Variants in LRRIQ3 observed in about 807,000 individuals in gnomAD.
LRRIQ3 encodes the protein leucine rich repeats and IQ motif containing 3, also known as leucine-rich repeat and IQ domain-containing protein 3.
Under a neutral mutation model 59.3 loss-of-function variants are expected in LRRIQ3, and 75 were observed. That is an observed-to-expected ratio of 1.26 (90% CI 1.05 to 1.53). The LOEUF is 1.53. Among genes scored for constraint, LRRIQ3 ranks in the 40% most tolerant of loss-of-function variants. The pLI, the probability that LRRIQ3 is intolerant of heterozygous loss-of-function variation, is 0.00. For synonymous variants in LRRIQ3, 250 were observed against 231.3 expected (o/e 1.08, Z -0.73); for missense variants, 831 against 710.0 (o/e 1.17, Z -1.94).
chr1:74,152,046 T>C lies in LRRIQ3; in HGVS notation c.707+3687A>G, dbSNP rs1459299587. ...AGCATAACAATATCATTGTAGACAA[T>C]GGAAGCAGGCCAGAAAGTGAACCTT... On this transcript the variant is annotated intron_variant, in intron 4 of 7. Transcript: ENST00000354431. Among the ~76,000 whole-genome samples, 4 of 151,938 alleles carry C rather than the reference T, an allele frequency of 2.6e-5. No individual in the cohort carries two copies. The East Asian group carries it at 7.7e-4, about 29-fold the overall frequency.
intron 5 of LRRIQ3, among the ~76,000 whole-genome samples, chr1:74,079,094 C>A (rs964871100): frequency 2.6e-5 from 4 of 151,762 alleles, no homozygotes; most frequent in Non-Finnish European, 5.9e-5. Flanking sequence ...TTATTGGACT[C>A]TGCCTTCACC....
intron 3 of LRRIQ3, among the ~76,000 whole-genome samples, chr1:74,168,565 T>C (rs984934980): frequency 3.3e-5 from 5 of 152,126 alleles, no homozygotes; most frequent in African/African-American, 1.2e-4. Flanking sequence ...CTGGCATATT[T>C]AGACCATTTA....
At chr1:74,060,470 A>T (rs1006685856) in intron 6 of LRRIQ3, among the ~76,000 whole-genome samples, 2 of 151,964 alleles carry the variant, frequency 1.3e-5, no homozygotes, top group Admixed American at 1.3e-4. Context: ...TTTTTAATAC[A>T]GGTGCTTACA....
chr1:74,196,536 C>G (rs772750111), intron 1 of LRRIQ3, among the ~76,000 whole-genome samples: 1 of 152,108 alleles, frequency 6.6e-6, no homozygotes, highest in Non-Finnish European at 1.5e-5. Context: ...ATTACATATT[C>G]ACTGCATACA....
intron 1 of LRRIQ3, among the ~76,000 whole-genome samples, chr1:74,195,285 C>G (rs980782835): frequency 5.3e-5 from 8 of 152,144 alleles, no homozygotes; most frequent in African/African-American, 1.9e-4. Flanking sequence ...GGACTGGAAA[C>G]AAGTACAGCC....
At chr1:74,165,759 A>G (rs375584688) in intron 3 of LRRIQ3, among the ~76,000 whole-genome samples, 1 of 151,530 alleles carries the variant, frequency 6.6e-6, no homozygotes, top group East Asian at 1.9e-4. Context: ...CCTTCTAAAC[A>G]TATTTTTCTG....
chr1:74,058,642 T>C (rs1489641458), intron 6 of LRRIQ3, among the ~76,000 whole-genome samples: 1 of 152,052 alleles, frequency 6.6e-6, no homozygotes, highest in African/African-American at 2.4e-5. Flanking sequence ...TAAGTTCTAG[T>C]GTTTTGTAGC....
At chr1:74,185,349 A>G (rs1650289915) in intron 1 of LRRIQ3, among the ~76,000 whole-genome samples, 1 of 152,190 alleles carries the variant, frequency 6.6e-6, no homozygotes, top group African/African-American at 2.4e-5. Flanking sequence ...TAATAGGTGA[A>G]TAATGGTATC....
chr1:74,095,427 C>G (rs555506031), intron 5 of LRRIQ3, among the ~76,000 whole-genome samples: 1 of 151,880 alleles, frequency 6.6e-6, no homozygotes, highest in African/African-American at 2.4e-5. Context: ...AATTTTTACT[C>G]GTGTCTCTAC....
chr1:74,026,857 T>C lies in LRRIQ3; in HGVS notation c.1831A>G (p.Lys611Glu). ...GGAACTTTAAAGTCTAAATTTGTTT[T>C]CACAATTGCTACTTTTGTTTTAGCA... ...QDAKTKVAIV[K>E]TNLDFKVPNG... Residue 611 changes from lysine (K) to glutamate (E), a missense_variant, in exon 8 of 8, where the codon AAA becomes GAA. Lys to Glu is a moderately conservative substitution (Grantham distance 56). Transcript: ENST00000354431. The C allele has an allele frequency of 6.2e-7, 1 of 1,609,148 alleles. No individual in the cohort carries two copies. Among genetic ancestry groups the C allele is most frequent in the Non-Finnish European group, 8.5e-7 (1 of 1,177,770 alleles).
At chr1:74,197,800 G>A (rs1245922896) in intron 1 of LRRIQ3, among the ~76,000 whole-genome samples, 196 bp downstream of exon 1, 1 of 152,180 alleles carries the variant, frequency 6.6e-6, no homozygotes, top group Non-Finnish European at 1.5e-5. Context: ...GGGGCAGATG[G>A]CCCGGGGTGG....
At chr1:74,093,697 C>A (rs1191829433) in intron 5 of LRRIQ3, among the ~76,000 whole-genome samples, 1 of 151,994 alleles carries the variant, frequency 6.6e-6, no homozygotes, top group African/African-American at 2.4e-5. Context: ...TTCTGTTATC[C>A]AGGATACTTC....
intron 6 of LRRIQ3, among the ~76,000 whole-genome samples, chr1:74,059,772 T>C (rs1557597413): frequency 6.6e-6 from 1 of 152,140 alleles, no homozygotes; most frequent in African/African-American, 2.4e-5. Flanking sequence ...CTTGTATCTC[T>C]ATATTGCTTT....
chr1:74,106,852 T>C (rs574493060), intron 5 of LRRIQ3, among the ~76,000 whole-genome samples: 2 of 152,112 alleles, frequency 1.3e-5, no homozygotes, highest in Admixed American at 6.6e-5. Context: ...CACAGTTCTG[T>C]ATTTATGCCA....
chr1:74,041,574 C>G lies in LRRIQ3; in HGVS notation c.1357G>C (p.Val453Leu). The G allele has an allele frequency of 2.5e-6, 4 of 1,613,660 alleles. No individual in the cohort carries two copies. The highest frequency in any genetic ancestry group is 3.4e-6 in the Non-Finnish European group (4 of 1,179,862). ...AAATGTTCATTAACAGCTACTCTAA[C>G]TCTTTCTCGAGCAACTTGTGCCATG... The part of the protein sequence containing the change: ...VAMAQVARER[V>L]RVAVNEHLNQ... The change falls in exon 7 of 8, where the codon GTT becomes CTT. Residue 453 changes from valine to leucine, a missense_variant. By Grantham distance (32) the Val-to-Leu change is conservative (BLOSUM62 1). Transcript: ENST00000354431.
chr1:74,034,338 C>G (rs1653805976), intron 7 of LRRIQ3, among the ~76,000 whole-genome samples: 1 of 151,978 alleles, frequency 6.6e-6, no homozygotes, highest in South Asian at 2.1e-4. Context: ...CTGGAACATA[C>G]TACTCGCATA....
chr1:74,102,947 C>G (rs1646555707), intron 5 of LRRIQ3, among the ~76,000 whole-genome samples: 1 of 151,980 alleles, frequency 6.6e-6, no homozygotes, highest in Non-Finnish European at 1.5e-5. Context: ...GCTATAGCCT[C>G]CCTTCTAAGC....
intron 5 of LRRIQ3, among the ~76,000 whole-genome samples, chr1:74,103,888 C>T (rs909583105): frequency 5.9e-5 from 9 of 151,694 alleles, no homozygotes; most frequent in African/African-American, 2.2e-4. Context: ...GCAACCTCAC[C>T]GTGACTTGCC....
intron 5 of LRRIQ3, among the ~76,000 whole-genome samples, chr1:74,098,472 A>G (rs1009027169): frequency 1.3e-5 from 2 of 152,150 alleles, no homozygotes; most frequent in Non-Finnish European, 2.9e-5. Flanking sequence ...TTAACTCCCC[A>G]CTGTCAACAT....
Sources: gnomAD v4.1 joint callset for allele counts (sites outside exome capture counted in the v4.1 genomes callset) on GRCh38, gnomAD v4.1.1 for gene constraint, MANE v1.5 for transcripts, NCBI Gene and HGNC (gene_info 2026-07-23, HGNC 2026-07-21) for gene names.